The following MKRN1 variants were observed in gnomAD, a reference collection of about 807,000 sequenced individuals.
MKRN1 encodes the protein E3 ubiquitin-protein ligase makorin-1.
MKRN1 carries 9 observed loss-of-function variants against 55.5 expected under a neutral mutation model. The observed-to-expected ratio is 0.16, with a 90% confidence interval of 0.10 to 0.28. MKRN1 has a LOEUF of 0.28. Ranked by LOEUF, MKRN1 falls within the 10% of genes least tolerant of loss-of-function variation. The pLI is 1.00. For synonymous variants in MKRN1, 253 were observed against 235.9 expected, an observed-to-expected ratio of 1.07 and a Z score of -0.66; for missense variants, 488 against 626.7, an observed-to-expected ratio of 0.78 and a Z score of 2.36.
chr7:140,474,492 CAAAAA>C, intron 1 of MKRN1: 1 of 268,006 alleles, frequency 3.7e-6, no homozygotes. Flanking sequence ...GACTCCGTCT[CAAAAA>C]AAAAATAAAT....
chr7:140,456,286 T>C, intron 5 of MKRN1: 1 of 1,167,442 alleles, frequency 8.6e-7, no homozygotes, highest in Non-Finnish European at 1.1e-6. Context: ...GGATGGTGGA[T>C]TGTTGGCTAG....
In MKRN1 at chr7:140,463,607, T is replaced by A. The variant is rs117821902; in HGVS notation, c.315-3671A>T. 3.2e-4 allele frequency among the ~76,000 whole-genome samples: 49 copies of A among 152,188 alleles called. No homozygotes were observed. The East Asian group carries it at 9.5e-3, about 30-fold the overall frequency. Reference sequence around the variant, plus strand: ...GTATCCTTAGAAATCCAGCCCAGGCTGGACGCGGTGGCTCACGCCTGTAAT... The same window carrying A: ...GTATCCTTAGAAATCCAGCCCAGGCAGGACGCGGTGGCTCACGCCTGTAAT... On this transcript the variant is annotated intron_variant, in intron 2 of 7. Transcript: ENST00000255977.
chr7:140,476,946 G>C (rs1795136695), intron 1 of MKRN1, among the ~76,000 whole-genome samples: 1 of 151,956 alleles, frequency 6.6e-6, no homozygotes, highest in African/African-American at 2.4e-5. Flanking sequence ...AGGTGGGCAT[G>C]GTGGTGCACG....
intron 3 of MKRN1, 116 bp downstream of exon 3, chr7:140,459,591 C>G: frequency 9.7e-7 from 1 of 1,035,258 alleles, no homozygotes; most frequent in South Asian, 1.6e-5. Context: ...AAGTACTGTA[C>G]TAAGATTAAA....
At chr7:140,478,122 CA>C (rs1176262995) in intron 1 of MKRN1, 1 of 152,226 alleles carries the variant, frequency 6.6e-6, no homozygotes, top group Non-Finnish European at 1.5e-5. Flanking sequence ...AATTAGGAAT[CA>C]TTTTTACATA....
At position 140,456,121 on chromosome 7, in the gene MKRN1, T is replaced by A. The variant is rs1794459567; in HGVS notation, c.987-221A>T. The A allele has an allele frequency of 4.4e-6, 5 of 1,141,160 alleles. No homozygotes were observed. In the Admixed American group the frequency reaches 1.1e-4, roughly 25 times the overall value. 70.7% of individuals were successfully genotyped at this position (1,141,160 alleles called of 1,614,324 possible). A position where few individuals can be genotyped will look rare whatever the true frequency, so the allele number is the denominator to read the frequency against. ...TCAAGGGCTAGCCAGTTCTTTTTTT[T>A]TTTTTTTGAAAAATATAACTTAGGT... On this transcript the variant is annotated intron_variant, in intron 5 of 7. Coordinates refer to ENST00000255977, the MANE Select transcript of MKRN1 (RefSeq NM_013446.4).
intron 2 of MKRN1, among the ~76,000 whole-genome samples, chr7:140,463,426 TAA>T (rs1165149099): frequency 6.6e-6 from 1 of 152,220 alleles, no homozygotes; most frequent in Non-Finnish European, 1.5e-5. Flanking sequence ...CATACAATTT[TAA>T]ACTCAGTTCT....
In MKRN1 at chr7:140,455,144, C is replaced by G; in HGVS notation, c.1187G>C (p.Arg396Pro). 6.2e-7 allele frequency: 1 copy of G among 1,614,000 alleles called. No homozygotes were observed. The highest frequency in any genetic ancestry group is 8.5e-7 in the Non-Finnish European group (1 of 1,180,016). ...CFYKHAYPDGRREEPQRQKVG... is the reference protein window; with the variant it reads ...CFYKHAYPDGPREEPQRQKVG... ...TTTCTGTCTCTGTGGCTCCTCTCTA[C>G]GGCCATCAGGGTACGCATGCTTGTA... Residue 396 changes from arginine to proline, a missense_variant, in exon 7 of 8, where the codon CGT becomes CCT. Physicochemically the swap from Arg to Pro is moderately radical, Grantham distance 103 (BLOSUM62 -2). Coordinates refer to ENST00000255977, the MANE Select transcript of MKRN1 (RefSeq NM_013446.4).
In MKRN1 at chr7:140,453,972, A is replaced by C. The variant is rs1484529737; in HGVS notation, c.*545T>G. ...AGTAGTATTACTTGTGTGCAATTAA[A>C]CAAGAGACCAAAACCACAGAACAAG... On this transcript the variant is annotated 3_prime_UTR_variant, in exon 8 of 8. Coordinates refer to ENST00000255977, the MANE Select transcript of MKRN1 (RefSeq NM_013446.4). 6.2e-6 allele frequency: 1 copy of C among 161,358 alleles called. No individual in the cohort carries two copies. Among genetic ancestry groups the C allele is most frequent in the Non-Finnish European group, 1.4e-5 (1 of 72,036 alleles). The allele number at this position is 161,358 out of a possible 1,614,324, so 10.0% of individuals were successfully genotyped here. A position where few individuals can be genotyped will look rare whatever the true frequency, so the allele number is the denominator to read the frequency against.
intron 2 of MKRN1, among the ~76,000 whole-genome samples, chr7:140,465,012 C>T (rs1459608064): frequency 1.3e-5 from 2 of 152,176 alleles, no homozygotes; most frequent in African/African-American, 4.8e-5. Context: ...GTCTCCTGGG[C>T]TCAAGCCATC....
Position 140,470,126 on chromosome 7 carries a change from C to G in MKRN1, c.314+1757G>C, listed in dbSNP as rs188851457. Among the ~76,000 whole-genome samples the G allele has an allele frequency of 5.4e-3, 815 of 149,626 alleles. 6 individuals are homozygous for G. Among genetic ancestry groups the G allele is most frequent in the African/African-American group, 0.018 (733 of 40,808 alleles). ...ATCCTAGCTACTCTGGAGGCCAAGG[C>G]AGGAGAATCTCTCGAACGCGGGAGG... is the stretch of plus-strand genomic sequence containing the variant. On this transcript the variant is annotated intron_variant, in intron 2 of 7. Coordinates refer to ENST00000255977, the MANE Select transcript of MKRN1 (RefSeq NM_013446.4).
At chr7:140,457,591 G>A (rs1160912600) in intron 4 of MKRN1, among the ~76,000 whole-genome samples, 2 of 152,034 alleles carry the variant, frequency 1.3e-5, no homozygotes, top group East Asian at 1.9e-4. Context: ...TGAGGCAGGC[G>A]TGGTGGTGCA....
At chr7:140,478,945 A>C in intron 1 of MKRN1, 1 of 456,732 alleles carries the variant, frequency 2.2e-6, no homozygotes, top group East Asian at 4.4e-5. Flanking sequence ...CTCCGCGGAC[A>C]GCGCTGAGGG....
chr7:140,456,268 T>C (rs1288617787), intron 5 of MKRN1: 3 of 1,162,642 alleles, frequency 2.6e-6, no homozygotes, highest in Non-Finnish European at 3.2e-6. Context: ...ATGAGAACAA[T>C]CTTTAAAGGA....
chr7:140,477,510 G>C (rs930676854), intron 1 of MKRN1, among the ~76,000 whole-genome samples: 31 of 152,110 alleles, frequency 2.0e-4, no homozygotes, highest in African/African-American at 7.2e-4. Context: ...TTTCAGTAGA[G>C]ACGGGGTTTC....
In MKRN1 at chr7:140,466,979, CT is replaced by C. The variant is rs371673846; in HGVS notation, c.314+4903del. On this transcript the variant is annotated intron_variant, in intron 2 of 7. Transcript: ENST00000255977. ...CAATTAAGGTTCCTTTCAACTTTTT[CT>C]TTTTTTTTTTTTTTGAGACAGAGTT... 9.3e-3 allele frequency among the ~76,000 whole-genome samples: 1,321 copies of C among 142,344 alleles called. 9 individuals carry two copies. The highest frequency in any genetic ancestry group is 0.025 in the African/African-American group (1,012 of 39,724). The allele number at this position is 142,344 out of a possible 152,430, so 93.4% of individuals were successfully genotyped here. A position where few individuals can be genotyped will look rare whatever the true frequency, so the allele number is the denominator to read the frequency against.
At chr7:140,467,480 GT>G (rs914856458) in intron 2 of MKRN1, among the ~76,000 whole-genome samples, 1 of 151,690 alleles carries the variant, frequency 6.6e-6, no homozygotes, top group African/African-American at 2.4e-5. Context: ...GTTTAACCAT[GT>G]TGGCCAGGCT....
At chr7:140,468,588 C>T (rs1794835040) in intron 2 of MKRN1, among the ~76,000 whole-genome samples, 1 of 151,016 alleles carries the variant, frequency 6.6e-6, no homozygotes, top group African/African-American at 2.4e-5. Flanking sequence ...GTAATCCCAG[C>T]TACTCCGGAG....
At position 140,475,152 on chromosome 7, in the gene MKRN1, G is replaced by A. The variant is rs541779598; in HGVS notation, c.186-3141C>T. The stretch of plus-strand genomic sequence containing the variant: ...AGGTCAGGAGTTCAAGACCAGCCTG[G>A]GCAACATGGTGAAACCCCATCTCTA... On this transcript the variant is annotated intron_variant, in intron 1 of 7. Transcript: ENST00000255977. 343 of 372,804 alleles carry A rather than the reference G, an allele frequency of 9.2e-4. 1 individual carries two copies. Among genetic ancestry groups the A allele is most frequent in the Non-Finnish European group, 1.5e-3 (282 of 184,946 alleles). The allele number at this position is 372,804 out of a possible 1,614,324, so 23.1% of individuals were successfully genotyped here.
Sources: gnomAD v4.1 joint callset for allele counts (sites outside exome capture counted in the v4.1 genomes callset) on GRCh38, gnomAD v4.1.1 for gene constraint, MANE v1.5 for transcripts, NCBI Gene and HGNC (gene_info 2026-07-23, HGNC 2026-07-21) for gene names.